CACNA2D3: variants seen among roughly 807,000 people sequenced by gnomAD.
The protein encoded by CACNA2D3 is voltage-dependent calcium channel subunit alpha-2/delta-3.
In CACNA2D3, 60 loss-of-function variants were observed where a neutral mutation model predicts 160.6. The ratio of observed to expected loss-of-function variants is 0.37; its 90% CI spans 0.30 to 0.46. The LOEUF is 0.46. Ranked by LOEUF, CACNA2D3 falls within the 20% of genes least tolerant of loss-of-function variation. CACNA2D3 has a pLI of 1.00. For synonymous variants in CACNA2D3, 558 were observed against 492.9 expected (o/e 1.13, Z -1.75); for missense variants, 1,205 against 1,365.0 (o/e 0.88, Z 1.85).
rs186631258 is a variant in CACNA2D3, at chr3:54,337,762, C to G, written c.321+17204C>G. Among the ~76,000 whole-genome samples, 378 of 152,302 alleles carry G rather than the reference C, an allele frequency of 2.5e-3. 1 individual carries two copies. Among genetic ancestry groups the G allele is most frequent in the African/African-American group, 8.6e-3 (359 of 41,574 alleles). On this transcript the variant is annotated intron_variant, in intron 3 of 37. Transcript: ENST00000474759. ...AGCCTCATTTCAAACAGCATCTTCA[C>G]CCTCCTTTCTTCCAATAGGTGGCTA...
intron 18 of CACNA2D3, chr3:54,875,819 C>T (rs1431000922): frequency 6.6e-6 from 1 of 152,266 alleles, no homozygotes; most frequent in Admixed American, 6.5e-5. Flanking sequence ...AGGCTGATCA[C>T]TGTCGCCAGA....
intron 9 of CACNA2D3, among the ~76,000 whole-genome samples, chr3:54,600,116 G>A (rs776110114): frequency 6.6e-6 from 1 of 152,204 alleles, no homozygotes; most frequent in Non-Finnish European, 1.5e-5. Context: ...AACGTTGCCA[G>A]TTCTGCGGTT....
intron 14 of CACNA2D3, among the ~76,000 whole-genome samples, chr3:54,821,871 T>C (rs1388405704): frequency 2.6e-5 from 4 of 152,094 alleles, no homozygotes; most frequent in African/African-American, 4.8e-5. Flanking sequence ...TTAACTTCTA[T>C]ACTTCGAACA....
intron 13 of CACNA2D3, among the ~76,000 whole-genome samples, chr3:54,809,554 A>G (rs1183544403): frequency 2.2e-5 from 3 of 139,016 alleles, no homozygotes; most frequent in Admixed American, 6.9e-5. Flanking sequence ...TCCTGACCTC[A>G]TGATCCACCC....
At chr3:54,236,679 A>G (rs1378245022) in intron 2 of CACNA2D3, among the ~76,000 whole-genome samples, 1 of 152,168 alleles carries the variant, frequency 6.6e-6, no homozygotes, top group Non-Finnish European at 1.5e-5. Flanking sequence ...GTGACTCTCC[A>G]AATAATGCAA....
intron 3 of CACNA2D3, among the ~76,000 whole-genome samples, chr3:54,382,310 C>G (rs75706729): frequency 0.021 from 3,160 of 152,266 alleles, 48 homozygotes; most frequent in Non-Finnish European, 0.033. Context: ...ATGGATTTTT[C>G]TTACCTGCAG....
Position 54,122,700 on chromosome 3 carries a change from G to T in CACNA2D3, c.-14G>T, listed in dbSNP as rs1377091181. 2 of 1,155,020 alleles carry T rather than the reference G, an allele frequency of 1.7e-6. No individual in the cohort carries two copies. Among genetic ancestry groups the T allele is most frequent in the African/African-American group, 3.3e-5 (2 of 61,196 alleles). 71.5% of individuals were successfully genotyped at this position (1,155,020 alleles called of 1,614,324 possible). ...TCGTCGCCGCCGCAGCGGGCGCGTC[G>T]GAGGGAGCCCAGCATGGCCGGGCCG... is the stretch of plus-strand genomic sequence containing the variant. On this transcript the variant is annotated 5_prime_UTR_variant, in exon 1 of 38. Coordinates refer to ENST00000474759, the MANE Select transcript of CACNA2D3 (RefSeq NM_018398.3).
At chr3:55,023,110 C>T (rs1703496259) in intron 35 of CACNA2D3, among the ~76,000 whole-genome samples, 1 of 152,088 alleles carries the variant, frequency 6.6e-6, no homozygotes, top group Non-Finnish European at 1.5e-5. Flanking sequence ...ATGTACTCAA[C>T]AGTGATGGTT....
chr3:54,994,383 G>C lies in CACNA2D3; in HGVS notation c.2690+6630G>C, dbSNP rs554320836. Among the ~76,000 whole-genome samples, 431 of 152,284 alleles carry C rather than the reference G, an allele frequency of 2.8e-3. 1 individual carries two copies. Among genetic ancestry groups the C allele is most frequent in the African/African-American group, 0.01 (416 of 41,534 alleles). On this transcript the variant is annotated intron_variant, in intron 31 of 37. Coordinates refer to ENST00000474759, the MANE Select transcript of CACNA2D3 (RefSeq NM_018398.3). ...CTCATGTAATGAGTGTAATGGCTTC[G>C]TGGCTTCCTGCTGACCTGACCATGT...
chr3:54,175,484 G>A (rs1371061392), intron 2 of CACNA2D3, among the ~76,000 whole-genome samples: 1 of 151,880 alleles, frequency 6.6e-6, no homozygotes, highest in African/African-American at 2.4e-5. Flanking sequence ...ATGGTGGCGG[G>A]CGCCTGTAGT....
intron 11 of CACNA2D3, among the ~76,000 whole-genome samples, chr3:54,657,092 C>T (rs1240314755): frequency 2.1e-5 from 3 of 146,334 alleles, no homozygotes; most frequent in Admixed American, 6.9e-5. Context: ...AGTGGGGGGT[C>T]ACAGGGTACT....
Position 54,141,828 on chromosome 3 carries a change from TATTCATTC to T in CACNA2D3, c.204+18235_204+18242del, listed in dbSNP as rs1559860438. Among the ~76,000 whole-genome samples, 3 of 152,368 alleles carry T rather than the reference TATTCATTC, an allele frequency of 2.0e-5. No individual in the cohort carries two copies. The East Asian group carries it at 5.8e-4, about 29-fold the overall frequency. ...AATTTGATAATTTTATCCATTCATT[TATTCATTC>T]GTTTATTCAACAAACATTTTTGCAT... is the stretch of plus-strand genomic sequence containing the variant. On this transcript the variant is annotated intron_variant, in intron 2 of 37. Coordinates refer to ENST00000474759, the MANE Select transcript of CACNA2D3 (RefSeq NM_018398.3).
intron 3 of CACNA2D3, among the ~76,000 whole-genome samples, chr3:54,365,795 G>A (rs1559461834): frequency 6.6e-6 from 1 of 152,146 alleles, no homozygotes. Context: ...CTTGGGAGGC[G>A]GAGGTTGCAA....
Position 54,310,035 on chromosome 3 carries a change from A to G in CACNA2D3, c.205-10407A>G, listed in dbSNP as rs1210713434. ...CTTGTTCCTGTGGCTTTGACAGAAA[A>G]ATTGCATTCCTCAAGGATTGTCCTC... On this transcript the variant is annotated intron_variant, in intron 2 of 37. Coordinates refer to ENST00000474759, the MANE Select transcript of CACNA2D3 (RefSeq NM_018398.3). Among the ~76,000 whole-genome samples the G allele has an allele frequency of 2.2e-4, 33 of 151,962 alleles. 1 individual carries two copies. Among genetic ancestry groups the G allele is most frequent in the Admixed American group, 2.2e-3 (33 of 15,272 alleles).
intron 4 of CACNA2D3, among the ~76,000 whole-genome samples, chr3:54,429,390 C>CCTTT (rs541014801): frequency 0.015 from 2,249 of 151,920 alleles, 43 homozygotes; most frequent in African/African-American, 0.051. Context: ...CTCCTTGTTT[C>CCTTT]CTTTATTTCT....
intron 2 of CACNA2D3, among the ~76,000 whole-genome samples, chr3:54,217,675 G>A (rs540522952): frequency 3.9e-5 from 6 of 152,292 alleles, no homozygotes; most frequent in Admixed American, 3.9e-4. Flanking sequence ...GCCACCAGAA[G>A]CTGGAAGGGG....
At chr3:54,446,986 C>T (rs562785751) in intron 4 of CACNA2D3, among the ~76,000 whole-genome samples, 6 of 152,248 alleles carry the variant, frequency 3.9e-5, no homozygotes, top group Non-Finnish European at 5.9e-5. Context: ...CTAGAAGGAG[C>T]GTTTTTTAAG....
chr3:54,308,459 A>C (rs550686187), intron 2 of CACNA2D3, among the ~76,000 whole-genome samples: 1 of 152,094 alleles, frequency 6.6e-6, no homozygotes, highest in Non-Finnish European at 1.5e-5. Context: ...AATGTGGAAG[A>C]CTCCAAGGCC....
At chr3:54,924,610 A>G (rs1250059681) in intron 27 of CACNA2D3, 6 of 1,605,240 alleles carry the variant, frequency 3.7e-6, no homozygotes, top group Non-Finnish European at 5.1e-6. Flanking sequence ...CCAAATAGAC[A>G]TGACTGACCT....
Sources: allele counts gnomAD v4.1 joint callset (sites outside exome capture counted in the v4.1 genomes callset), GRCh38; gene constraint gnomAD v4.1.1; transcripts MANE v1.5; gene names NCBI Gene and HGNC (gene_info 2026-07-23, HGNC 2026-07-21).